The following PABPC4L variants were observed in gnomAD, a reference collection of about 807,000 sequenced individuals.
The protein encoded by PABPC4L is polyadenylate-binding protein 4-like.
For missense variants in PABPC4L, 452 were observed against 451.4 expected, an observed-to-expected ratio of 1.00 and a Z score of -0.01; for synonymous variants, 169 against 164.1, an observed-to-expected ratio of 1.03 and a Z score of -0.23.
the PABPC4L span, among the ~76,000 whole-genome samples, chr4:134,016,879 T>C: frequency 6.6e-6 from 1 of 152,160 alleles, no homozygotes; most frequent in Admixed American, 6.5e-5. Context: ...CTCGGGGATT[T>C]GTCCCTGCCC....
Position 134,197,727 on chromosome 4 carries a change from T to C in PABPC4L, c.*2180A>G, listed in dbSNP as rs1261826421. 5 of 151,614 alleles carry C rather than the reference T, an allele frequency of 3.3e-5. No individual in the cohort carries two copies. The highest frequency in any genetic ancestry group is 3.3e-4 in the Admixed American group (5 of 15,236). The allele number at this position is 151,614 out of a possible 1,614,324, so 9.4% of individuals were successfully genotyped here. A position where few individuals can be genotyped will look rare whatever the true frequency, so the allele number is the denominator to read the frequency against. On this transcript the variant is annotated 3_prime_UTR_variant, in exon 2 of 2. Transcript: ENST00000421491. ...GTTTAACTTTTGTAATTTACAAAAGTGAAATAAAGCAATGATGAAATGGTT... is the reference window on the plus strand; with the variant it reads ...GTTTAACTTTTGTAATTTACAAAAGCGAAATAAAGCAATGATGAAATGGTT...
chr4:134,022,469 T>A, the PABPC4L span, among the ~76,000 whole-genome samples: 1 of 152,066 alleles, frequency 6.6e-6, no homozygotes, highest in Non-Finnish European at 1.5e-5. Context: ...CTACCAGGAC[T>A]GTGTAATGTA....
chr4:134,037,732 T>A, the PABPC4L span, among the ~76,000 whole-genome samples: 4 of 152,134 alleles, frequency 2.6e-5, no homozygotes, highest in Non-Finnish European at 4.4e-5. Context: ...GGTGAGACGA[T>A]GGGGTTTTCT....
the PABPC4L span, among the ~76,000 whole-genome samples, chr4:134,052,317 C>T: frequency 1.3e-5 from 2 of 151,882 alleles, no homozygotes; most frequent in Non-Finnish European, 2.9e-5. Flanking sequence ...ATTTTTTTAG[C>T]CCAGTCAAAT....
At chr4:134,142,122 T>A in the PABPC4L span, among the ~76,000 whole-genome samples, 1 of 151,704 alleles carries the variant, frequency 6.6e-6, no homozygotes, top group South Asian at 2.1e-4. Flanking sequence ...CACAGGAAGC[T>A]CTCAGAAATA....
chr4:133,999,031 C>A, the PABPC4L span, among the ~76,000 whole-genome samples: 3 of 151,906 alleles, frequency 2.0e-5, no homozygotes, highest in Non-Finnish European at 2.9e-5. Flanking sequence ...TCTTTCTTAT[C>A]TCTTAAGGCA....
chr4:134,081,330 A>C, the PABPC4L span, among the ~76,000 whole-genome samples: 2 of 152,178 alleles, frequency 1.3e-5, no homozygotes, highest in Non-Finnish European at 2.9e-5. Flanking sequence ...CAAATTAGCC[A>C]AGATGGGGCT....
the PABPC4L span, among the ~76,000 whole-genome samples, chr4:134,121,528 TA>T: frequency 2.0e-5 from 3 of 151,692 alleles, no homozygotes; most frequent in African/African-American, 7.2e-5. Context: ...AATACTACTT[TA>T]TTAGAAGCTA....
At chr4:134,082,547 T>A in the PABPC4L span, among the ~76,000 whole-genome samples, 1 of 152,112 alleles carries the variant, frequency 6.6e-6, no homozygotes, top group Admixed American at 6.5e-5. Context: ...TTTTTTAATG[T>A]TTTTAAAATT....
chr4:133,968,125 T>A, the PABPC4L span, among the ~76,000 whole-genome samples: 1 of 152,098 alleles, frequency 6.6e-6, no homozygotes, highest in Non-Finnish European at 1.5e-5. Flanking sequence ...AGGCTTTCCA[T>A]ATAGGAGATC....
At chr4:134,022,438 G>A in the PABPC4L span, among the ~76,000 whole-genome samples, 12 of 151,810 alleles carry the variant, frequency 7.9e-5, 1 homozygote, top group African/African-American at 2.7e-4. Context: ...ACGCACACAC[G>A]CACACAGAAG....
the PABPC4L span, among the ~76,000 whole-genome samples, chr4:134,040,966 T>C: frequency 2.0e-5 from 3 of 151,836 alleles, no homozygotes; most frequent in Non-Finnish European, 2.9e-5. Flanking sequence ...AACAAACATA[T>C]GAAAAAAAGC....
downstream of PABPC4L, among the ~76,000 whole-genome samples, chr4:134,193,301 C>T (rs370919208): frequency 2.0e-5 from 3 of 151,760 alleles, no homozygotes; most frequent in East Asian, 1.9e-4. Flanking sequence ...AGAATAAGAT[C>T]AGATATCCCA....
the PABPC4L span, among the ~76,000 whole-genome samples, chr4:134,010,204 T>C: frequency 6.6e-6 from 1 of 152,194 alleles, no homozygotes; most frequent in Middle Eastern, 3.4e-3. Flanking sequence ...ATTTTCTACT[T>C]CTATTTATAT....
At chr4:134,020,801 A>C in the PABPC4L span, among the ~76,000 whole-genome samples, 1 of 152,152 alleles carries the variant, frequency 6.6e-6, no homozygotes, top group Non-Finnish European at 1.5e-5. Context: ...TTAAAAAGAG[A>C]TTATAAATAT....
rs1230737394 is a variant in PABPC4L, at chr4:134,199,711, A to T, written c.*196T>A. 4 of 624,146 alleles carry T rather than the reference A, an allele frequency of 6.4e-6. No homozygotes were observed. 38.7% of individuals were successfully genotyped at this position (624,146 alleles called of 1,614,324 possible). A position where few individuals can be genotyped will look rare whatever the true frequency, so the allele number is the denominator to read the frequency against. ...TTAAAATTAGAAAATGTGCCTCTGT[A>T]AAATGAACTAAGCTCCATCTATTTT... On this transcript the variant is annotated 3_prime_UTR_variant, in exon 2 of 2. Coordinates refer to ENST00000421491, the MANE Select transcript of PABPC4L (RefSeq NM_001114734.2).
At chr4:133,999,850 G>A in the PABPC4L span, among the ~76,000 whole-genome samples, 4 of 151,664 alleles carry the variant, frequency 2.6e-5, no homozygotes, top group African/African-American at 7.3e-5. Flanking sequence ...AGGGATGAAG[G>A]GAAAATACTT....
the PABPC4L span, among the ~76,000 whole-genome samples, chr4:133,972,273 A>T: frequency 6.6e-6 from 1 of 152,146 alleles, no homozygotes; most frequent in Non-Finnish European, 1.5e-5. Context: ...AAGCAAATAT[A>T]CTCTAGTTGC....
At chr4:133,973,019 C>T in the PABPC4L span, among the ~76,000 whole-genome samples, 1 of 152,052 alleles carries the variant, frequency 6.6e-6, no homozygotes, top group African/African-American at 2.4e-5. Context: ...GATGTCCTGA[C>T]AAGCAGAGAG....
Sources: allele counts gnomAD v4.1 joint callset (sites outside exome capture counted in the v4.1 genomes callset), GRCh38; gene constraint gnomAD v4.1.1; transcripts MANE v1.5; gene names NCBI Gene and HGNC (gene_info 2026-07-23, HGNC 2026-07-21).